Variants in CYB5R4 observed in about 807,000 individuals in gnomAD.
The protein encoded by CYB5R4 is N-terminal cytochrome b5 and cytochrome b5 oxidoreductase domain-containing protein.
A neutral mutation model predicts 70.2 loss-of-function variants in CYB5R4; 55 were observed. That is an observed-to-expected ratio of 0.78 (90% CI 0.63 to 0.98). The LOEUF (loss-of-function observed/expected upper bound fraction) is 0.98, where lower values mean the gene tolerates loss of function less well. CYB5R4 is among the 50% of genes least tolerant of loss of function. The pLI is 0.00. For synonymous variants in CYB5R4, 197 were observed against 199.5 expected (o/e 0.99, Z 0.11); for missense variants, 562 against 612.6 (o/e 0.92, Z 0.87).
Position 83,924,590 on chromosome 6 carries a change from CAGGT to C in CYB5R4, c.814_814+3del. On this transcript the variant is annotated splice_donor_variant and coding_sequence_variant, in exon 10 of 16. Coordinates refer to ENST00000369681, the MANE Select transcript of CYB5R4 (RefSeq NM_016230.4). LOFTEE classifies it high-confidence loss of function. ...AATTCACTTATTCCAAGGAAAGATA[CAGGT>C]ATGCTGTGTTCTTTTGTTACGTTAA... The C allele has an allele frequency of 6.2e-7, 1 of 1,612,788 alleles. No individual in the cohort carries two copies. The highest frequency in any genetic ancestry group is 8.5e-7 in the Non-Finnish European group (1 of 1,179,270).
chr6:83,892,659 A>G (rs2099461278), intron 2 of CYB5R4, among the ~76,000 whole-genome samples: 2 of 152,222 alleles, frequency 1.3e-5, no homozygotes, highest in South Asian at 4.1e-4. Flanking sequence ...ATTCTGAATA[A>G]TAATCTTTGA....
chr6:83,882,863 A>G (rs1288352658), intron 2 of CYB5R4, among the ~76,000 whole-genome samples: 1 of 152,048 alleles, frequency 6.6e-6, no homozygotes, highest in Non-Finnish European at 1.5e-5. Flanking sequence ...AGTCTGAGCT[A>G]CTCGGGAGGC....
rs564543667 is a variant in CYB5R4, at chr6:83,909,772, T to G, written c.412+682T>G. ...TATGCCAGTTGTTTTTCACTGGGGTTGATTTTGCTCTTCAGGGGGACATTT... is the reference window on the plus strand; with the variant it reads ...TATGCCAGTTGTTTTTCACTGGGGTGGATTTTGCTCTTCAGGGGGACATTT... On this transcript the variant is annotated intron_variant, in intron 4 of 15. Coordinates refer to ENST00000369681, the MANE Select transcript of CYB5R4 (RefSeq NM_016230.4). Among the ~76,000 whole-genome samples the G allele has an allele frequency of 7.2e-5, 11 of 152,294 alleles. No homozygotes were observed. In the South Asian group the frequency reaches 2.1e-3, roughly 29 times the overall value.
intron 14 of CYB5R4, among the ~76,000 whole-genome samples, chr6:83,945,923 A>G (rs1190347382): frequency 3.9e-5 from 6 of 152,226 alleles, no homozygotes; most frequent in Non-Finnish European, 2.9e-5. Context: ...AAACTGAGGT[A>G]GTAATTAATA....
intron 3 of CYB5R4, among the ~76,000 whole-genome samples, chr6:83,894,113 C>G (rs2129134251): frequency 6.6e-6 from 1 of 152,286 alleles, no homozygotes; most frequent in African/African-American, 2.4e-5. Context: ...TGAATAGAAA[C>G]TTATTTTTCC....
intron 10 of CYB5R4, chr6:83,926,371 C>G (rs1254114148): frequency 7.2e-6 from 1 of 138,104 alleles, no homozygotes. Context: ...TTTTTTTTTT[C>G]TTAGAATGTT....
intron 10 of CYB5R4, 62 bp from the exon 11 acceptor site, chr6:83,934,533 G>C: frequency 2.4e-6 from 3 of 1,232,952 alleles, no homozygotes; most frequent in Non-Finnish European, 1.1e-6. Flanking sequence ...CTTTCTCTTA[G>C]TGGTTTAGTA....
chr6:83,869,430 A>G (rs924306057), intron 2 of CYB5R4, among the ~76,000 whole-genome samples: 4 of 152,224 alleles, frequency 2.6e-5, no homozygotes, highest in African/African-American at 9.6e-5. Context: ...TCAAAGACAC[A>G]CACAGAGCAG....
intron 12 of CYB5R4, 126 bp downstream of exon 12, chr6:83,936,502 T>G: frequency 1.3e-6 from 1 of 783,030 alleles, no homozygotes; most frequent in Non-Finnish European, 2.1e-6. Flanking sequence ...CAAAGTTATC[T>G]TCTCCTTGTC....
chr6:83,936,366 T>C lies in CYB5R4; in HGVS notation c.1098T>C (p.Arg366=). ...GACTCTTCACACCAGAGCTTGATCG[T>C]CTTCAGATTGGTTAGTATTTTTACA... ...PTGLFTPELD[R]LQIGDFVSVS... is the part of the protein sequence containing the mutation. Residue 366 remains arginine (R), a synonymous_variant, in exon 12 of 16, where the codon CGT becomes CGC. Transcript: ENST00000369681. 1 of 1,611,184 alleles carries C rather than the reference T, an allele frequency of 6.2e-7. No homozygotes were observed. Among genetic ancestry groups the C allele is most frequent in the Non-Finnish European group, 8.5e-7 (1 of 1,179,194 alleles).
At chr6:83,886,669 A>T (rs1377988251) in intron 2 of CYB5R4, among the ~76,000 whole-genome samples, 1 of 152,204 alleles carries the variant, frequency 6.6e-6, no homozygotes, top group Non-Finnish European at 1.5e-5. Context: ...GTGTACTGTT[A>T]AATTGTAATA....
At chr6:83,904,355 T>C (rs2099463438) in intron 3 of CYB5R4, among the ~76,000 whole-genome samples, 1 of 152,180 alleles carries the variant, frequency 6.6e-6, no homozygotes. Context: ...TTTTGAAAGT[T>C]CCTGTTAGTA....
rs61756895 is a variant in CYB5R4, at chr6:83,935,780, C to T, written c.956-444C>T. The stretch of plus-strand genomic sequence containing the variant: ...TAAAAAGTGAAATTTCTTCCTTTTT[C>T]TCCGCCAAATGATCCCATTGGTCAT... On this transcript the variant is annotated intron_variant, in intron 11 of 15. Coordinates refer to ENST00000369681, the MANE Select transcript of CYB5R4 (RefSeq NM_016230.4). Among the ~76,000 whole-genome samples, 425 of 152,124 alleles carry T rather than the reference C, an allele frequency of 2.8e-3. 2 individuals carry two copies. Among genetic ancestry groups the T allele is most frequent in the Non-Finnish European group, 3.9e-3 (265 of 67,976 alleles).
chr6:83,962,476 T>A lies in CYB5R4; in HGVS notation c.*2598T>A, dbSNP rs1197132449. The A allele has an allele frequency of 6.6e-6, 1 of 152,240 alleles. No homozygotes were observed. Among genetic ancestry groups the A allele is most frequent in the East Asian group, 1.9e-4 (1 of 5,204 alleles). 9.4% of individuals were successfully genotyped at this position (152,240 alleles called of 1,614,324 possible). A position where few individuals can be genotyped will look rare whatever the true frequency, so the allele number is the denominator to read the frequency against. The stretch of plus-strand genomic sequence containing the variant: ...AATTACGCTCAAAGTCACATTTGCT[T>A]GCAAATTCTGCTTTTTTTAAAAAAA... On this transcript the variant is annotated 3_prime_UTR_variant, in exon 16 of 16. Transcript: ENST00000369681.
Position 83,865,946 on chromosome 6 carries a change from A to G in CYB5R4, c.229+1618A>G, listed in dbSNP as rs190256539. ...TGGCAGGTGCAAAAAGATCCTTTTG[A>G]CATTTTATAGGGTTTTTGCCACCCT... On this transcript the variant is annotated intron_variant, in intron 2 of 15. Coordinates refer to ENST00000369681, the MANE Select transcript of CYB5R4 (RefSeq NM_016230.4). 1.7e-4 allele frequency among the ~76,000 whole-genome samples: 26 copies of G among 152,302 alleles called. 1 individual carries two copies. The East Asian group carries it at 4.1e-3, about 24-fold the overall frequency.
chr6:83,932,185 T>G (rs2099468261), intron 10 of CYB5R4, among the ~76,000 whole-genome samples: 1 of 152,218 alleles, frequency 6.6e-6, no homozygotes, highest in Non-Finnish European at 1.5e-5. Context: ...TCTTAAATCT[T>G]TCTTAAAATC....
At chr6:83,914,536 T>C in intron 5 of CYB5R4, 88 bp downstream of exon 5, 1 of 1,160,380 alleles carries the variant, frequency 8.6e-7, no homozygotes, top group Non-Finnish European at 1.1e-6. Flanking sequence ...CATTTAAATT[T>C]TTTTCTTTTT....
chr6:83,882,257 C>T (rs912633563), intron 2 of CYB5R4, among the ~76,000 whole-genome samples: 2 of 152,148 alleles, frequency 1.3e-5, no homozygotes, highest in African/African-American at 4.8e-5. Context: ...GACTCAAAGT[C>T]TTACTGGCTT....
At chr6:83,928,453 G>A (rs560984796) in intron 10 of CYB5R4, among the ~76,000 whole-genome samples, 157 of 152,182 alleles carry the variant, frequency 1.0e-3, no homozygotes, top group African/African-American at 3.5e-3. Flanking sequence ...CTGCCTCAAG[G>A]AAGTGAATTT....
Sources: allele counts gnomAD v4.1 joint callset (sites outside exome capture counted in the v4.1 genomes callset), GRCh38; gene constraint gnomAD v4.1.1; transcripts MANE v1.5; gene names NCBI Gene and HGNC (gene_info 2026-07-23, HGNC 2026-07-21).